The following RXFP1 variants were observed in gnomAD, a reference collection of about 807,000 sequenced individuals.
RXFP1 encodes relaxin receptor 1.
Under a neutral mutation model 89.8 loss-of-function variants are expected in RXFP1, and 73 were observed. The ratio of observed to expected loss-of-function variants is 0.81; its 90% confidence interval spans 0.67 to 0.99. The LOEUF (loss-of-function observed/expected upper bound fraction) is 0.99, where lower values mean the gene tolerates loss of function less well. RXFP1 is among the 50% of genes least tolerant of loss of function. RXFP1 has a pLI of 0.00. For missense variants in RXFP1, 793 were observed against 895.5 expected (o/e 0.89, Z 1.46); for synonymous variants, 277 against 305.5 (o/e 0.91, Z 0.97).
intron 2 of RXFP1, among the ~76,000 whole-genome samples, chr4:158,583,837 G>A (rs1400912064): frequency 1.3e-5 from 2 of 152,202 alleles, no homozygotes; most frequent in Non-Finnish European, 2.9e-5. Context: ...TTTAAAGGAT[G>A]CCCAGGATAA....
At chr4:158,626,174 A>G (rs951608672) in intron 9 of RXFP1, among the ~76,000 whole-genome samples, 3 of 148,194 alleles carry the variant, frequency 2.0e-5, no homozygotes, top group East Asian at 2.0e-4. Context: ...ATAGATAGAT[A>G]GATGTAGAGA....
intron 1 of RXFP1, among the ~76,000 whole-genome samples, chr4:158,535,887 T>C (rs1278548823): frequency 1.3e-5 from 2 of 152,232 alleles, no homozygotes; most frequent in Non-Finnish European, 2.9e-5. Flanking sequence ...CTTGTGTTAT[T>C]TTCCAACTCA....
chr4:158,601,330 G>A (rs1761656258), intron 4 of RXFP1, among the ~76,000 whole-genome samples: 1 of 152,112 alleles, frequency 6.6e-6, no homozygotes, highest in Non-Finnish European at 1.5e-5. Context: ...AGTATGATCG[G>A]AGAATGAGGA....
intron 1 of RXFP1, among the ~76,000 whole-genome samples, chr4:158,571,350 A>C (rs1755017466): frequency 6.6e-6 from 1 of 152,184 alleles, no homozygotes; most frequent in South Asian, 2.1e-4. Context: ...TACAGGAGTT[A>C]TTAAGAAATT....
At chr4:158,546,164 A>C (rs1051916600) in intron 1 of RXFP1, among the ~76,000 whole-genome samples, 7 of 152,006 alleles carry the variant, frequency 4.6e-5, no homozygotes, top group African/African-American at 1.4e-4. Flanking sequence ...GAGGTCCTTC[A>C]CATCCCTTGT....
chr4:158,634,543 A>G (rs971878353), intron 12 of RXFP1, among the ~76,000 whole-genome samples: 1 of 152,110 alleles, frequency 6.6e-6, no homozygotes. Context: ...TCTAATTTTT[A>G]AATTTCTTTT....
At chr4:158,627,690 A>AT (rs1175841800) in intron 10 of RXFP1, among the ~76,000 whole-genome samples, 5 of 152,054 alleles carry the variant, frequency 3.3e-5, no homozygotes, top group Non-Finnish European at 7.4e-5. Context: ...GTTTTCTCCA[A>AT]TTCCCCCCAT....
At chr4:158,542,093 A>ATG (rs1746845240) in intron 1 of RXFP1, among the ~76,000 whole-genome samples, 1 of 37,666 alleles carries the variant, frequency 2.7e-5, no homozygotes, top group African/African-American at 7.4e-5. Flanking sequence ...ATATATATAT[A>ATG]TATATATATA....
intron 1 of RXFP1, among the ~76,000 whole-genome samples, chr4:158,529,831 A>C (rs1247360982): frequency 6.6e-6 from 1 of 152,192 alleles, no homozygotes; most frequent in Non-Finnish European, 1.5e-5. Flanking sequence ...CTTGGTCCCA[A>C]ATCTTGCAAC....
At chr4:158,587,481 AT>A (rs1758525626) in intron 2 of RXFP1, among the ~76,000 whole-genome samples, 3 of 152,194 alleles carry the variant, frequency 2.0e-5, no homozygotes, top group African/African-American at 7.2e-5. Flanking sequence ...CTTTTTTATA[AT>A]TCACACAATA....
At chr4:158,642,659 C>T (rs1043437364) in intron 14 of RXFP1, among the ~76,000 whole-genome samples, 3 of 152,126 alleles carry the variant, frequency 2.0e-5, no homozygotes, top group African/African-American at 7.2e-5. Context: ...TGTATATCTA[C>T]CACATTTTTT....
At chr4:158,615,678 C>T (rs1332301870) in intron 8 of RXFP1, among the ~76,000 whole-genome samples, 2 of 152,016 alleles carry the variant, frequency 1.3e-5, no homozygotes, top group Non-Finnish European at 2.9e-5. Context: ...GGCAGGGTGG[C>T]TCACGTCTGT....
intron 2 of RXFP1, among the ~76,000 whole-genome samples, chr4:158,577,858 T>C (rs1283488301): frequency 6.6e-6 from 1 of 152,196 alleles, no homozygotes; most frequent in East Asian, 1.9e-4. Context: ...TCTTATTTAG[T>C]ACATATTAAG....
At chr4:158,560,067 A>G (rs1473422823) in intron 1 of RXFP1, among the ~76,000 whole-genome samples, 3 of 152,228 alleles carry the variant, frequency 2.0e-5, no homozygotes, top group African/African-American at 7.2e-5. Context: ...TTTCTCCTTC[A>G]GCTGCATGGA....
chr4:158,605,191 T>G, intron 5 of RXFP1, 52 bp downstream of exon 5: 3 of 1,065,874 alleles, frequency 2.8e-6, no homozygotes, highest in Admixed American at 1.8e-5. Flanking sequence ...TTTTTGGCCA[T>G]GTCTTTTTCT....
intron 9 of RXFP1, among the ~76,000 whole-genome samples, chr4:158,619,841 A>G (rs550400132): frequency 6.6e-6 from 1 of 152,218 alleles, no homozygotes; most frequent in South Asian, 2.1e-4. Flanking sequence ...AAACCACTCC[A>G]GCCCAGGATC....
At chr4:158,596,542 G>A (rs942693125) in intron 3 of RXFP1, among the ~76,000 whole-genome samples, 2 of 152,172 alleles carry the variant, frequency 1.3e-5, no homozygotes, top group Non-Finnish European at 1.5e-5. Context: ...TTACAGGCAT[G>A]AGCCACTGCG....
chr4:158,612,612 C>CTT (rs1158067958), intron 8 of RXFP1, among the ~76,000 whole-genome samples: 3 of 140,312 alleles, frequency 2.1e-5, no homozygotes, highest in Non-Finnish European at 3.1e-5. Flanking sequence ...TCACAATATT[C>CTT]TTTTTTTTTT....
chr4:158,610,230 A>G, intron 6 of RXFP1, among the ~76,000 whole-genome samples: 2 of 152,264 alleles, frequency 1.3e-5, no homozygotes, highest in Middle Eastern at 6.8e-3. Context: ...GCGCCACTGC[A>G]CTCCAGCCTG....
Sources: allele counts gnomAD v4.1 joint callset (sites outside exome capture counted in the v4.1 genomes callset), GRCh38; gene constraint gnomAD v4.1.1; transcripts MANE v1.5; gene names NCBI Gene and HGNC (gene_info 2026-07-23, HGNC 2026-07-21).